DNAH12: variants seen among roughly 807,000 people sequenced by gnomAD.
DNAH12 encodes the protein dynein axonemal heavy chain 12.
A neutral mutation model predicts 371.5 loss-of-function variants in DNAH12; 285 were observed. That is an observed-to-expected ratio of 0.77 (90% CI 0.70 to 0.85). The LOEUF is 0.85. Among genes scored for constraint, DNAH12 ranks in the 40% least tolerant of loss-of-function variants. The pLI is 0.00. For synonymous variants in DNAH12, 1,200 were observed against 1,213.0 expected (o/e 0.99, Z 0.22); for missense variants, 3,611 against 3,689.4 (o/e 0.98, Z 0.55).
intron 60 of DNAH12, among the ~76,000 whole-genome samples, chr3:57,346,214 C>T (rs1243483121): frequency 6.6e-6 from 1 of 151,942 alleles, no homozygotes; most frequent in Non-Finnish European, 1.5e-5. Context: ...AAAATAATGG[C>T]TTGTTCAAAA....
chr3:57,514,823 G>T (rs1446704479), intron 4 of DNAH12, among the ~76,000 whole-genome samples: 1 of 152,176 alleles, frequency 6.6e-6, no homozygotes, highest in Non-Finnish European at 1.5e-5. Context: ...TTGAAAAGGA[G>T]TGTAGAACTA....
At chr3:57,475,114 A>G (rs2066484498) in intron 13 of DNAH12, among the ~76,000 whole-genome samples, 1 of 152,202 alleles carries the variant, frequency 6.6e-6, no homozygotes, top group Non-Finnish European at 1.5e-5. Context: ...ACCTCACATT[A>G]TTTACAGAAA....
chr3:57,490,857 G>A (rs1320473692), intron 11 of DNAH12, among the ~76,000 whole-genome samples: 1 of 152,088 alleles, frequency 6.6e-6, no homozygotes, highest in Non-Finnish European at 1.5e-5. Flanking sequence ...GGGAAGCCGA[G>A]GCGGGTGGAC....
At chr3:57,401,769 T>G (rs1379489856) in intron 43 of DNAH12, among the ~76,000 whole-genome samples, 2 of 151,032 alleles carry the variant, frequency 1.3e-5, no homozygotes, top group African/African-American at 4.9e-5. Context: ...GAGAGAAGAC[T>G]CAAATAACAA....
intron 22 of DNAH12, among the ~76,000 whole-genome samples, chr3:57,455,572 AAACAAC>A (rs71088077): frequency 6.6e-6 from 1 of 150,614 alleles, no homozygotes; most frequent in Non-Finnish European, 1.5e-5. Context: ...TCTGTCTCAA[AAACAAC>A]AACAACAACA....
At chr3:57,548,264 T>C (rs2069594198), upstream of DNAH12, among the ~76,000 whole-genome samples, 1 of 152,208 alleles carries the variant, frequency 6.6e-6, no homozygotes. Flanking sequence ...ATAATTTACA[T>C]ATCAAATAAG....
At chr3:57,355,682 A>G (rs1455549380) in intron 59 of DNAH12, among the ~76,000 whole-genome samples, 7 of 152,090 alleles carry the variant, frequency 4.6e-5, no homozygotes, top group African/African-American at 1.7e-4. Flanking sequence ...CCTCACCAAA[A>G]CTTGATATTG....
At chr3:57,345,532 G>C (rs1351932662) in intron 60 of DNAH12, among the ~76,000 whole-genome samples, 5 of 152,172 alleles carry the variant, frequency 3.3e-5, no homozygotes, top group Admixed American at 3.3e-4. Context: ...CTGAAGAGAT[G>C]AACTGCTCTT....
intron 32 of DNAH12, among the ~76,000 whole-genome samples, chr3:57,432,092 C>T (rs1176646566): frequency 6.6e-6 from 1 of 151,928 alleles, no homozygotes; most frequent in Non-Finnish European, 1.5e-5. Flanking sequence ...CTACCCTAAG[C>T]TCAACCAATA....
intron 34 of DNAH12, among the ~76,000 whole-genome samples, chr3:57,427,485 G>A (rs1422281571): frequency 6.6e-6 from 1 of 151,954 alleles, no homozygotes; most frequent in Non-Finnish European, 1.5e-5. Context: ...TCAGGAGTTC[G>A]AGACCAGCCT....
At chr3:57,357,514 TAAAG>T (rs1471157650) in intron 58 of DNAH12, among the ~76,000 whole-genome samples, 166 bp from the exon 59 acceptor site, 4 of 148,034 alleles carry the variant, frequency 2.7e-5, no homozygotes, top group African/African-American at 5.0e-5. Context: ...AAGCCAGAAA[TAAAG>T]AAAACAAAAG....
intron 13 of DNAH12, among the ~76,000 whole-genome samples, chr3:57,473,038 T>C (rs1477198703): frequency 1.2e-5 from 1 of 81,328 alleles, no homozygotes; most frequent in Non-Finnish European, 2.8e-5. Context: ...TTTATTCTTA[T>C]AAATATTTTA....
intron 60 of DNAH12, among the ~76,000 whole-genome samples, chr3:57,346,997 C>T (rs59593126): frequency 0.1 from 15,705 of 152,024 alleles, 1,366 homozygotes; most frequent in East Asian, 0.39. Context: ...CAGAAAGCAC[C>T]AAGCCCAGAT....
At position 57,322,460 on chromosome 3, in the gene DNAH12, A is replaced by G; in HGVS notation, c.10407T>C (p.Asn3469=). 1 of 1,551,894 alleles carries G rather than the reference A, an allele frequency of 6.4e-7. No homozygotes were observed. Among genetic ancestry groups the G allele is most frequent in the Non-Finnish European group, 8.7e-7 (1 of 1,147,008 alleles). ...GAGGTTCATTAGTCATTTTTACTCC[A>G]TTCTGTAGAATTGTTACTGGGAACT... ...SSKFPVTILQ[N]GVKMTNEPPT... Residue 3469 remains asparagine (N), a synonymous_variant, in exon 65 of 74, where the codon AAT becomes AAC. Transcript: ENST00000495027.
intron 4 of DNAH12, among the ~76,000 whole-genome samples, chr3:57,520,293 T>C (rs1371183012): frequency 6.6e-6 from 1 of 151,878 alleles, no homozygotes; most frequent in Admixed American, 6.6e-5. Context: ...GTATTTTTAG[T>C]AGCGACGGTT....
rs549406030 is a variant in DNAH12, at chr3:57,536,935, G to A, written c.170+5766C>T. Among the ~76,000 whole-genome samples, 10 of 152,328 alleles carry A rather than the reference G, an allele frequency of 6.6e-5. No homozygotes were observed. In the East Asian group the frequency reaches 1.2e-3, roughly 18 times the overall value. On this transcript the variant is annotated intron_variant, in intron 2 of 73. Transcript: ENST00000495027. Reference sequence around the variant, plus strand: ...GTATATTAGCGATTATAAACAGGCCGGGTACAGTGGCTCCCAGCACTTTGG... The same window carrying A: ...GTATATTAGCGATTATAAACAGGCCAGGTACAGTGGCTCCCAGCACTTTGG...
intron 62 of DNAH12, among the ~76,000 whole-genome samples, chr3:57,325,814 C>T (rs1315337722): frequency 6.6e-6 from 1 of 152,104 alleles, no homozygotes; most frequent in Non-Finnish European, 1.5e-5. Context: ...AAGTTAAAAA[C>T]TTTGAAAAAA....
chr3:57,350,497 A>G (rs1038995102), intron 60 of DNAH12, among the ~76,000 whole-genome samples: 1 of 152,184 alleles, frequency 6.6e-6, no homozygotes, highest in Non-Finnish European at 1.5e-5. Flanking sequence ...GTAAAATTTG[A>G]CATTTCCTTA....
chr3:57,495,703 C>T (rs2067289568), intron 11 of DNAH12, among the ~76,000 whole-genome samples: 1 of 143,044 alleles, frequency 7.0e-6, no homozygotes, highest in Admixed American at 7.1e-5. Flanking sequence ...ACAGTCTCAC[C>T]AGATTATATC....
Sources: gnomAD v4.1 joint callset for allele counts (sites outside exome capture counted in the v4.1 genomes callset) on GRCh38, gnomAD v4.1.1 for gene constraint, MANE v1.5 for transcripts, NCBI Gene and HGNC (gene_info 2026-07-23, HGNC 2026-07-21) for gene names.